The following MYO6 variants were observed in gnomAD, a reference collection of about 807,000 sequenced individuals.
MYO6 encodes myosin VI.
MYO6 carries 74 observed loss-of-function variants against 178.7 expected under a neutral mutation model. The observed-to-expected ratio is 0.41, with a 90% CI of 0.34 to 0.50. The LOEUF (loss-of-function observed/expected upper bound fraction) is 0.50, where lower values mean the gene tolerates loss of function less well. Ranked by LOEUF, MYO6 falls within the 20% of genes least tolerant of loss-of-function variation. MYO6 has a pLI of 0.09. For missense variants in MYO6, 1,330 were observed against 1,547.4 expected (o/e 0.86, Z 2.36); for synonymous variants, 477 against 504.6 (o/e 0.95, Z 0.73).
intron 2 of MYO6, among the ~76,000 whole-genome samples, 200 bp downstream of exon 2, chr6:75,817,864 C>T (rs1771446336): frequency 6.6e-6 from 1 of 152,146 alleles, no homozygotes; most frequent in Non-Finnish European, 1.5e-5. Flanking sequence ...ATGATAAAAT[C>T]AGATGGAAAT....
chr6:75,755,767 C>G (rs1363144490), intron 1 of MYO6, among the ~76,000 whole-genome samples: 1 of 152,146 alleles, frequency 6.6e-6, no homozygotes, highest in East Asian at 1.9e-4. Flanking sequence ...CTACCACGGA[C>G]CAGGCACTAT....
chr6:75,785,473 CTTTTTTTT>C, intron 1 of MYO6, among the ~76,000 whole-genome samples: 1 of 126,518 alleles, frequency 7.9e-6, no homozygotes, highest in South Asian at 2.5e-4. Context: ...CTTTTCTTTT[CTTTTTTTT>C]TTTTTTTTGA....
At chr6:75,865,687 A>G (rs988565313) in intron 16 of MYO6, among the ~76,000 whole-genome samples, 3 of 151,838 alleles carry the variant, frequency 2.0e-5, no homozygotes, top group Non-Finnish European at 2.9e-5. Flanking sequence ...TCTTACCCTT[A>G]GGTTATTTCA....
intron 1 of MYO6, among the ~76,000 whole-genome samples, chr6:75,810,613 T>C (rs1467074343): frequency 1.3e-5 from 2 of 152,158 alleles, no homozygotes; most frequent in Non-Finnish European, 2.9e-5. Flanking sequence ...GGATCCCCAT[T>C]CAGTTGGTTA....
intron 29 of MYO6, among the ~76,000 whole-genome samples, chr6:75,897,708 T>C (rs1290779069): frequency 6.6e-6 from 1 of 152,240 alleles, no homozygotes; most frequent in Non-Finnish European, 1.5e-5. Context: ...ATGAACACTA[T>C]GAAACTTCAT....
chr6:75,787,685 TC>T (rs1583073188), intron 1 of MYO6, among the ~76,000 whole-genome samples: 18 of 14,862 alleles, frequency 1.2e-3, no homozygotes, highest in East Asian at 0.011. Context: ...ATTCTCTCTC[TC>T]TCTCTCTCTC....
rs938605211 is a variant in MYO6 at position 75,916,622 on chromosome 6, C to T, written c.*1610C>T. The T allele has an allele frequency of 8.5e-5, 13 of 152,576 alleles. No individual in the cohort carries two copies. Among genetic ancestry groups the T allele is most frequent in the African/African-American group, 3.1e-4 (13 of 41,436 alleles). 9.5% of individuals were successfully genotyped at this position (152,576 alleles called of 1,614,324 possible). A position where few individuals can be genotyped will look rare whatever the true frequency, so the allele number is the denominator to read the frequency against. Reference sequence around the variant, plus strand: ...CTATTCTCTCTCTTCCATCTCTCGCCTTTAACTGGTGTTTTTATTTGTGTA... The same window carrying T: ...CTATTCTCTCTCTTCCATCTCTCGCTTTTAACTGGTGTTTTTATTTGTGTA... On this transcript the variant is annotated 3_prime_UTR_variant, in exon 35 of 35. Coordinates refer to ENST00000369977, the MANE Select transcript of MYO6 (RefSeq NM_004999.4).
At chr6:75,908,465 A>T in intron 31 of MYO6, 31 bp from the exon 32 acceptor site, 29 of 1,191,698 alleles carry the variant, frequency 2.4e-5, no homozygotes, top group South Asian at 4.4e-5. Context: ...TAACATGTCA[A>T]TTTTTTTTTT....
chr6:75,892,437 C>A (rs1299260736), intron 27 of MYO6, 93 bp from the exon 28 acceptor site: 9 of 1,506,468 alleles, frequency 6.0e-6, no homozygotes, highest in African/African-American at 1.4e-5. Context: ...TGTATGGGGG[C>A]AGTTATGCTT....
chr6:75,819,404 C>A (rs1028927884), intron 2 of MYO6, among the ~76,000 whole-genome samples: 4 of 152,244 alleles, frequency 2.6e-5, no homozygotes, highest in Admixed American at 2.6e-4. Context: ...TAATCAGCTT[C>A]AAAATAATTA....
At chr6:75,801,317 AAG>A (rs1442259332) in intron 1 of MYO6, among the ~76,000 whole-genome samples, 18 of 151,496 alleles carry the variant, frequency 1.2e-4, no homozygotes, top group East Asian at 7.8e-4. Context: ...AGAGGAGGGA[AAG>A]AGAGGGACGA....
At chr6:75,804,869 CAT>C (rs1003223305) in intron 1 of MYO6, among the ~76,000 whole-genome samples, 4 of 133,894 alleles carry the variant, frequency 3.0e-5, no homozygotes, top group East Asian at 2.6e-4. Flanking sequence ...TATATATGCG[CAT>C]ATATATATAC....
At chr6:75,911,647 T>G in intron 32 of MYO6, 25 bp from the exon 33 acceptor site, 1 of 1,602,874 alleles carries the variant, frequency 6.2e-7, no homozygotes, top group African/African-American at 1.3e-5. Flanking sequence ...TTATCTTTTC[T>G]TCAACATAAA....
intron 23 of MYO6, among the ~76,000 whole-genome samples, chr6:75,883,278 T>TA (rs954471147): frequency 6.6e-6 from 1 of 151,440 alleles, no homozygotes; most frequent in Non-Finnish European, 1.5e-5. Flanking sequence ...AAGTTTGACA[T>TA]AAAAAAAAGT....
intron 3 of MYO6, among the ~76,000 whole-genome samples, 195 bp from the exon 4 acceptor site, chr6:75,828,345 A>G (rs908133986): frequency 1.3e-5 from 2 of 152,170 alleles, no homozygotes; most frequent in African/African-American, 4.8e-5. Flanking sequence ...TATCACTGTA[A>G]CACACATGTA....
intron 30 of MYO6, among the ~76,000 whole-genome samples, chr6:75,903,244 G>T (rs772698094): frequency 7.9e-5 from 12 of 152,014 alleles, no homozygotes; most frequent in Middle Eastern, 3.4e-3. Context: ...TATTAGGTCC[G>T]CTTGGTGCAG....
At chr6:75,786,090 T>G (rs2842538) in intron 1 of MYO6, among the ~76,000 whole-genome samples, 48,547 of 151,570 alleles carry the variant, frequency 0.32, 9,070 homozygotes, top group Admixed American at 0.47. Context: ...TAAATTTTTT[T>G]TGTGTGTGTG....
At chr6:75,850,504 C>T (rs993675418) in intron 11 of MYO6, among the ~76,000 whole-genome samples, 2 of 151,584 alleles carry the variant, frequency 1.3e-5, no homozygotes, top group African/African-American at 4.9e-5. Context: ...GATAATTGTC[C>T]CTTCTTTCTC....
intron 23 of MYO6, among the ~76,000 whole-genome samples, chr6:75,884,879 G>A (rs1239810496): frequency 6.6e-6 from 1 of 152,190 alleles, no homozygotes; most frequent in South Asian, 2.1e-4. Flanking sequence ...GGAGCAATTT[G>A]AGGAGGTTCA....
Sources: gnomAD v4.1 joint callset for allele counts (sites outside exome capture counted in the v4.1 genomes callset) on GRCh38, gnomAD v4.1.1 for gene constraint, MANE v1.5 for transcripts, NCBI Gene and HGNC (gene_info 2026-07-23, HGNC 2026-07-21) for gene names.